FYTTD1: variants seen among roughly 807,000 people sequenced by gnomAD.
FYTTD1 encodes forty-two-three domain containing 1, also known as UAP56-interacting factor.
A neutral mutation model predicts 40.9 loss-of-function variants in FYTTD1; 22 were observed. The observed-to-expected ratio is 0.54, with a 90% CI of 0.38 to 0.77. The LOEUF (loss-of-function observed/expected upper bound fraction) is 0.77. Ranked by LOEUF, FYTTD1 falls within the 30% of genes least tolerant of loss-of-function variation. The pLI, the probability that FYTTD1 is intolerant of heterozygous loss-of-function variation, is 0.00. For missense variants in FYTTD1, 351 were observed against 392.2 expected, an observed-to-expected ratio of 0.90 and a Z score of 0.89; for synonymous variants, 140 against 137.9, an observed-to-expected ratio of 1.01 and a Z score of -0.10.
In FYTTD1 at chr3:197,770,208, T is replaced by C. The variant is rs767735262; in HGVS notation, c.461T>C (p.Val154Ala). The C allele has an allele frequency of 4.3e-6, 7 of 1,612,448 alleles. No individual in the cohort carries two copies. Among genetic ancestry groups the C allele is most frequent in the South Asian group, 2.2e-5 (2 of 90,812 alleles). The change falls in exon 4 of 9, where the codon GTA becomes GCA. Residue 154 changes from valine to alanine, a missense_variant. Coordinates refer to ENST00000241502, the MANE Select transcript of FYTTD1 (RefSeq NM_032288.7). ...LRQNEGQRKP[V>A]AVLKRPSQLS... The stretch of plus-strand genomic sequence containing the variant: ...CAAAATGAAGGGCAGAGGAAACCAG[T>C]AGCAGTTCTCAAGAGACCTAGCCAG...
Position 197,750,034 on chromosome 3 carries a change from C to T in FYTTD1, c.63C>T (p.Ala21=). ...ATATSSPPPK[A]RSNENLDKID... ...CGACTTCTTCGCCGCCGCCGAAGGC[C>T]CGCAGCAATGAAAACCTCGACAAAA... Residue 21 remains alanine, a synonymous_variant, in exon 1 of 9, where the codon GCC becomes GCT. Coordinates refer to ENST00000241502, the MANE Select transcript of FYTTD1 (RefSeq NM_032288.7). The T allele has an allele frequency of 6.3e-7, 1 of 1,582,564 alleles. No homozygotes were observed. The highest frequency in any genetic ancestry group is 2.5e-5 in the East Asian group (1 of 40,654).
rs762804596 is a variant in FYTTD1 at position 197,781,875 on chromosome 3, A to G, written c.923A>G (p.Asn308Ser). The G allele has an allele frequency of 6.2e-7, 1 of 1,609,142 alleles. No homozygotes were observed. The highest frequency in any genetic ancestry group is 1.1e-5 in the South Asian group (1 of 90,206). Reference protein sequence around the residue: ...LKEQRATLTYNKGGSRFVTVG With the variant: ...LKEQRATLTYSKGGSRFVTVG ...GAACAAAGAGCCACTCTCACATACA[A>G]CAAAGGGGGAAGCCGCTTTGTCACC... The change falls in exon 9 of 9, where the codon AAC (asparagine) becomes AGC (serine). Residue 308 changes from asparagine (N) to serine (S), a missense_variant. Asn to Ser is a conservative substitution (Grantham distance 46, BLOSUM62 1). Transcript: ENST00000241502.
intron 2 of FYTTD1, among the ~76,000 whole-genome samples, chr3:197,767,315 T>A (rs940575953): frequency 2.0e-5 from 3 of 151,594 alleles, no homozygotes; most frequent in African/African-American, 7.3e-5. Context: ...ATTTTTTGTA[T>A]TTTTAGTACA....
At position 197,749,976 on chromosome 3, in the gene FYTTD1, A is replaced by G. The variant is rs1368963533; in HGVS notation, c.5A>G (p.Asn2Ser). MNRFGTRLVGAT... is the reference protein window; with the variant it reads MSRFGTRLVGAT... ...CTCGGCGCGACGTCTCCAGCCATGAACCGGTTTGGTACCCGGTTGGTGGGA... is the reference window on the plus strand; with the variant it reads ...CTCGGCGCGACGTCTCCAGCCATGAGCCGGTTTGGTACCCGGTTGGTGGGA... Residue 2 changes from asparagine (N) to serine (S), a missense_variant, in exon 1 of 9, where the codon AAC becomes AGC. Asn to Ser is a conservative substitution (Grantham distance 46). Transcript: ENST00000241502. The G allele has an allele frequency of 1.3e-6, 2 of 1,578,542 alleles. No individual in the cohort carries two copies. The highest frequency in any genetic ancestry group is 1.4e-5 in the African/African-American group (1 of 71,612).
intron 1 of FYTTD1, among the ~76,000 whole-genome samples, chr3:197,751,765 A>G (rs1729064598): frequency 6.6e-6 from 1 of 152,130 alleles, no homozygotes. Flanking sequence ...ATGTTAACTC[A>G]GTTTATCCTC....
intron 2 of FYTTD1, among the ~76,000 whole-genome samples, chr3:197,759,927 G>T (rs1729326316): frequency 6.6e-6 from 1 of 151,132 alleles, no homozygotes. Flanking sequence ...TGTATAGAGT[G>T]TTCTTCAGTG....
At chr3:197,777,532 C>T (rs529865369) in intron 7 of FYTTD1, among the ~76,000 whole-genome samples, 1 of 152,230 alleles carries the variant, frequency 6.6e-6, no homozygotes, top group Non-Finnish European at 1.5e-5. Context: ...AGCCACTGCA[C>T]CTGACCCAAT....
chr3:197,781,750 G>C, intron 8 of FYTTD1, 61 bp from the exon 9 acceptor site: 1 of 1,129,856 alleles, frequency 8.9e-7, no homozygotes, highest in Admixed American at 2.1e-5. Context: ...AGCAAATATG[G>C]CCTTCAGTAA....
In FYTTD1 at chr3:197,783,412, C is replaced by G. The variant is rs1730080775; in HGVS notation, c.*1503C>G. ...GATTTCATTGTTGTCTCTCATGCTT[C>G]TTGAGTTGCTTCATGGTTTATGCTC... On this transcript the variant is annotated 3_prime_UTR_variant, in exon 9 of 9. Coordinates refer to ENST00000241502, the MANE Select transcript of FYTTD1 (RefSeq NM_032288.7). 6.6e-6 allele frequency: 1 copy of G among 152,574 alleles called. No homozygotes were observed. Among genetic ancestry groups the G allele is most frequent in the African/African-American group, 2.4e-5 (1 of 41,416 alleles). 9.5% of individuals were successfully genotyped at this position (152,574 alleles called of 1,614,324 possible).
Position 197,749,948 on chromosome 3 carries a change from G to T in FYTTD1, c.-24G>T. The T allele has an allele frequency of 6.6e-7, 1 of 1,517,046 alleles. No individual in the cohort carries two copies. The highest frequency in any genetic ancestry group is 1.2e-5 in the South Asian group (1 of 84,090). 94.0% of individuals were successfully genotyped at this position (1,517,046 alleles called of 1,614,324 possible). A position where few individuals can be genotyped will look rare whatever the true frequency, so the allele number is the denominator to read the frequency against. On this transcript the variant is annotated 5_prime_UTR_variant, in exon 1 of 9. Transcript: ENST00000241502. ...TGCGACTCCGGCCTTGTCCGCGCCC[G>T]CTCTCGGCGCGACGTCTCCAGCCAT...
In FYTTD1 at chr3:197,782,055, A is replaced by T. The variant is rs532153464; in HGVS notation, c.*146A>T. ...TTTATTTTTGAAGGTTTTTTTTTTT[A>T]AAAAAAAAAACGTATAAAATAATGC... On this transcript the variant is annotated 3_prime_UTR_variant, in exon 9 of 9. Coordinates refer to ENST00000241502, the MANE Select transcript of FYTTD1 (RefSeq NM_032288.7). 7.9e-3 allele frequency: 2,409 copies of T among 305,798 alleles called. 14 individuals carry two copies. The highest frequency in any genetic ancestry group is 0.028 in the East Asian group (528 of 19,012). 18.9% of individuals were successfully genotyped at this position (305,798 alleles called of 1,614,324 possible). A position where few individuals can be genotyped will look rare whatever the true frequency, so the allele number is the denominator to read the frequency against.
At chr3:197,763,156 G>A (rs1030514699) in intron 2 of FYTTD1, among the ~76,000 whole-genome samples, 90 of 152,298 alleles carry the variant, frequency 5.9e-4, no homozygotes, top group African/African-American at 2.1e-3. Flanking sequence ...GCTCACCCAG[G>A]TAATCCCAGC....
intron 2 of FYTTD1, 79 bp from the exon 3 acceptor site, chr3:197,768,360 C>G: frequency 9.7e-7 from 1 of 1,027,490 alleles, no homozygotes; most frequent in South Asian, 2.0e-5. Flanking sequence ...TTCCCCCTTC[C>G]TTGGGAAATA....
Position 197,750,362 on chromosome 3 carries a change from G to A in FYTTD1, c.103+288G>A, listed in dbSNP as rs1053189434. ...GGGCCCGAAGGTTCGCAGGGTCGCG[G>A]GGGGCGTCTCTTCTCCCCGGAGGGG... On this transcript the variant is annotated intron_variant, in intron 1 of 8. Coordinates refer to ENST00000241502, the MANE Select transcript of FYTTD1 (RefSeq NM_032288.7). 96 of 1,124,918 alleles carry A rather than the reference G, an allele frequency of 8.5e-5. 1 individual carries two copies. The Middle Eastern group carries it at 4.9e-3, about 58-fold the overall frequency. The allele number at this position is 1,124,918 out of a possible 1,614,324, so 69.7% of individuals were successfully genotyped here.
At chr3:197,772,105 TAAAA>T (rs1729737568) in intron 4 of FYTTD1, among the ~76,000 whole-genome samples, 2 of 151,644 alleles carry the variant, frequency 1.3e-5, no homozygotes, top group African/African-American at 2.4e-5. Context: ...AAAATAAAAA[TAAAA>T]AAACAAAAAA....
chr3:197,760,071 A>C (rs1019098623), intron 2 of FYTTD1, among the ~76,000 whole-genome samples: 2 of 151,788 alleles, frequency 1.3e-5, no homozygotes, highest in East Asian at 2.0e-4. Flanking sequence ...GTTGTTCTTC[A>C]GTGGTAGAAC....
chr3:197,768,660 TAA>T (rs1364695109), intron 3 of FYTTD1, 73 bp downstream of exon 3: 4 of 1,260,738 alleles, frequency 3.2e-6, no homozygotes, highest in South Asian at 1.9e-5. Flanking sequence ...TGAATAAGCT[TAA>T]GAGAGAATTT....
At chr3:197,780,513 A>G (rs1025927625) in intron 8 of FYTTD1, among the ~76,000 whole-genome samples, 39 of 152,142 alleles carry the variant, frequency 2.6e-4, no homozygotes, top group African/African-American at 9.2e-4. Context: ...AAAGCACTAA[A>G]TATGTCACCA....
chr3:197,768,833 C>T (rs1249922492), intron 3 of FYTTD1, among the ~76,000 whole-genome samples: 1 of 152,144 alleles, frequency 6.6e-6, no homozygotes, highest in African/African-American at 2.4e-5. Context: ...TGCTCTGTTA[C>T]CCAGGCTGGA....
Sources: gnomAD v4.1 joint callset for allele counts (sites outside exome capture counted in the v4.1 genomes callset) on GRCh38, gnomAD v4.1.1 for gene constraint, MANE v1.5 for transcripts, NCBI Gene and HGNC (gene_info 2026-07-23, HGNC 2026-07-21) for gene names.